COL4A5: variants seen among roughly 807,000 people sequenced by gnomAD.
COL4A5 encodes the protein collagen alpha-5(IV) chain.
In COL4A5, 26 loss-of-function variants were observed where a neutral mutation model predicts 130.2. That is an observed-to-expected ratio of 0.20 (90% CI 0.15 to 0.28). The LOEUF (loss-of-function observed/expected upper bound fraction) is 0.28, where lower values mean the gene tolerates loss of function less well. Among genes scored for constraint, COL4A5 ranks in the 10% least tolerant of loss-of-function variants. The pLI is 1.00. For synonymous variants in COL4A5, 496 were observed against 439.6 expected (o/e 1.13, Z -1.60); for missense variants, 1,131 against 1,344.3 (o/e 0.84, Z 2.48).
intron 23 of COL4A5, 32 bp from the exon 24 acceptor site, chrX:108,597,345 C>T: frequency 8.6e-7 from 1 of 1,167,611 alleles, no homozygotes; most frequent in Admixed American, 2.2e-5. Flanking sequence ...TCTTTTTCCA[C>T]TCTTTTTTCT....
intron 13 of COL4A5, among the ~76,000 whole-genome samples, chrX:108,579,577 G>A (rs953710672): frequency 1.8e-5 from 2 of 111,946 alleles, no homozygotes; most frequent in Admixed American, 9.5e-5. Flanking sequence ...AACCTTTGTT[G>A]TGTTTAGAAA....
chrX:108,670,119 A>C, intron 41 of COL4A5, 109 bp from the exon 42 acceptor site: 1 of 843,169 alleles, frequency 1.2e-6, no homozygotes, highest in African/African-American at 2.0e-5. Flanking sequence ...TTAACTTGAA[A>C]GTATTTAGTG....
At chrX:108,538,875 G>A (rs1033826997) in intron 1 of COL4A5, among the ~76,000 whole-genome samples, 7 of 111,720 alleles carry the variant, frequency 6.3e-5, no homozygotes, top group African/African-American at 2.3e-4. Context: ...TTCTATTTTG[G>A]AGGAGGATAT....
intron 41 of COL4A5, chrX:108,670,011 T>C: frequency 2.5e-6 from 1 of 401,732 alleles, no homozygotes; most frequent in South Asian, 4.3e-5. Flanking sequence ...CACAGTGTGC[T>C]GTTTTCATTT....
At chrX:108,459,979 T>C (rs1324852401) in intron 1 of COL4A5, among the ~76,000 whole-genome samples, 1 of 112,272 alleles carries the variant, frequency 8.9e-6, no homozygotes, top group African/African-American at 3.2e-5. Context: ...TAAAAAAATA[T>C]AATTTGGTTT....
At chrX:108,547,106 A>G (rs2065670859) in intron 2 of COL4A5, among the ~76,000 whole-genome samples, 1 of 111,673 alleles carries the variant, frequency 9.0e-6, no homozygotes, top group Non-Finnish European at 1.9e-5. Flanking sequence ...TCTTCTCTCA[A>G]CTCTTCAAAG....
At chrX:108,645,450 C>T (rs968723227) in intron 36 of COL4A5, among the ~76,000 whole-genome samples, 4 of 108,299 alleles carry the variant, frequency 3.7e-5, no homozygotes, top group African/African-American at 1.0e-4. Flanking sequence ...CCTTTATGTA[C>T]ATAAACTAGA....
chrX:108,640,572 G>C (rs144456847), intron 36 of COL4A5, among the ~76,000 whole-genome samples: 1 of 111,184 alleles, frequency 9.0e-6, no homozygotes, highest in African/African-American at 3.3e-5. Flanking sequence ...ATTGTAACTC[G>C]GTGAAGTGCT....
At chrX:108,458,299 A>G (rs933394555) in intron 1 of COL4A5, among the ~76,000 whole-genome samples, 3 of 111,601 alleles carry the variant, frequency 2.7e-5, no homozygotes, top group African/African-American at 9.8e-5. Flanking sequence ...CATTTGTTGA[A>G]CAGACTATCC....
chrX:108,660,479 C>T lies in COL4A5; in HGVS notation c.3373+5022C>T, dbSNP rs188282262. On this transcript the variant is annotated intron_variant, in intron 37 of 52. Transcript: ENST00000328300. ...ATCTGCAAATGTCTTTGTTTTAGTT[C>T]CATTTTAAATAAATTTTTCACTGGA... 5.1e-3 allele frequency among the ~76,000 whole-genome samples: 573 copies of T among 111,592 alleles called. 2 individuals are homozygous for T. Among genetic ancestry groups the T allele is most frequent in the East Asian group, 0.036 (128 of 3,533 alleles).
At chrX:108,513,687 G>A (rs2065198578) in intron 1 of COL4A5, among the ~76,000 whole-genome samples, 3 of 111,391 alleles carry the variant, frequency 2.7e-5, no homozygotes, top group African/African-American at 9.8e-5. Flanking sequence ...TCTCTGGCTT[G>A]CTTATTCATA....
intron 37 of COL4A5, among the ~76,000 whole-genome samples, chrX:108,658,100 C>T (rs1208197057): frequency 9.0e-6 from 1 of 110,654 alleles, no homozygotes; most frequent in Non-Finnish European, 1.9e-5. Context: ...GGTTTTGGCA[C>T]ATATATTTTA....
chrX:108,675,446 T>C (rs929354111), intron 43 of COL4A5, among the ~76,000 whole-genome samples: 1 of 111,866 alleles, frequency 8.9e-6, no homozygotes, highest in African/African-American at 3.2e-5. Flanking sequence ...CATAATTAGC[T>C]GATTTGCTAC....
intron 36 of COL4A5, among the ~76,000 whole-genome samples, chrX:108,639,471 T>C (rs912556150): frequency 1.2e-4 from 13 of 111,499 alleles, no homozygotes; most frequent in South Asian, 7.5e-4. Flanking sequence ...ATTAGATTTT[T>C]TTCAATGATT....
In COL4A5 at chrX:108,440,173, C is replaced by G. The variant is rs372737604; in HGVS notation, c.48C>G (p.Ala16=). 2.5e-6 allele frequency: 3 copies of G among 1,208,388 alleles called. No individual in the cohort carries two copies. The highest frequency in any genetic ancestry group is 5.9e-5 in the East Asian group (2 of 33,748). The part of the protein sequence containing the change: ...VSLAAGLFLL[A]LSLWGQPAEA... ...TGGCTGCCGGCTTGTTCTTACTGGC[C>G]CTGAGTCTTTGGGGGCAGCCTGCAG... The change falls in exon 1 of 53, where the codon GCC becomes GCG. Residue 16 remains alanine, a synonymous_variant. Transcript: ENST00000328300.
intron 36 of COL4A5, among the ~76,000 whole-genome samples, chrX:108,651,339 T>G (rs780745060): frequency 1.8e-5 from 2 of 112,471 alleles, no homozygotes; most frequent in Admixed American, 1.9e-4. Context: ...ATATAAATTA[T>G]ATCTCAATAA....
intron 1 of COL4A5, among the ~76,000 whole-genome samples, chrX:108,525,610 T>A (rs924029850): frequency 1.1e-4 from 12 of 111,813 alleles, no homozygotes; most frequent in African/African-American, 3.9e-4. Context: ...AAGTGAATAT[T>A]TTCTAGTTTA....
intron 32 of COL4A5, among the ~76,000 whole-genome samples, chrX:108,622,307 A>G (rs1192309405): frequency 9.1e-6 from 1 of 110,446 alleles, no homozygotes; most frequent in Non-Finnish European, 1.9e-5. Context: ...ATTTTTTTGT[A>G]TTTTTAATAG....
At chrX:108,637,136 T>C (rs941992941) in intron 36 of COL4A5, among the ~76,000 whole-genome samples, 2 of 108,912 alleles carry the variant, frequency 1.8e-5, no homozygotes, top group Admixed American at 9.9e-5. Flanking sequence ...GGTTTTGCCA[T>C]GTTGGACAGT....
Sources: allele counts gnomAD v4.1 joint callset (sites outside exome capture counted in the v4.1 genomes callset), GRCh38; gene constraint gnomAD v4.1.1; transcripts MANE v1.5; gene names NCBI Gene and HGNC (gene_info 2026-07-23, HGNC 2026-07-21).